PPARG: variants seen among roughly 807,000 people sequenced by gnomAD.
The protein encoded by PPARG is peroxisome proliferator-activated receptor gamma.
A neutral mutation model predicts 39.2 loss-of-function variants in PPARG; 17 were observed. That is an observed-to-expected ratio of 0.43 (90% CI 0.30 to 0.65). PPARG has a LOEUF of 0.65. PPARG is among the 30% of genes least tolerant of loss of function. The pLI, the probability that PPARG is intolerant of heterozygous loss-of-function variation, is 0.13. For missense variants in PPARG, 406 were observed against 585.9 expected, an observed-to-expected ratio of 0.69 and a Z score of 3.17; for synonymous variants, 223 against 215.7, an observed-to-expected ratio of 1.03 and a Z score of -0.30.
At chr3:12,287,874 G>GGGCCCGGCTC (rs1224359301), upstream of PPARG, 4 of 130,614 alleles carry the variant, frequency 3.1e-5, no homozygotes, top group Non-Finnish European at 5.0e-5. Context: ...CCCCCGCGCC[G>GGGCCCGGCTC]GGCCCGGCTC....
At position 12,408,567 on chromosome 3, in the gene PPARG, C is replaced by CTTTTTT. The variant is rs397945616; in HGVS notation, c.729+2500_729+2505dup. Among the ~76,000 whole-genome samples, 169 of 113,196 alleles carry CTTTTTT rather than the reference C, an allele frequency of 1.5e-3. 1 individual carries two copies. Among genetic ancestry groups the CTTTTTT allele is most frequent in the African/African-American group, 4.5e-3 (123 of 27,308 alleles). 74.3% of individuals were successfully genotyped at this position (113,196 alleles called of 152,430 possible). On this transcript the variant is annotated intron_variant, in intron 6 of 7. Coordinates refer to ENST00000651735, the MANE Select transcript of PPARG (RefSeq NM_138711.6). ...GGTTAGTTTTCTTTTCTTTTCTTTT[C>CTTTTTT]TTTTTTTTTTTTTTTTTTTGAGGTG... is the stretch of plus-strand genomic sequence containing the variant.
chr3:12,422,487 T>G (rs1435606449), intron 7 of PPARG, among the ~76,000 whole-genome samples: 2 of 152,250 alleles, frequency 1.3e-5, no homozygotes, highest in African/African-American at 2.4e-5. Context: ...TTTTGCGTAT[T>G]GAGATGTGGA....
intron 5 of PPARG, among the ~76,000 whole-genome samples, chr3:12,395,518 T>C (rs1036844147): frequency 6.6e-6 from 1 of 152,188 alleles, no homozygotes; most frequent in Non-Finnish European, 1.5e-5. Context: ...CAGAAGGAAC[T>C]TTCATTTTCA....
rs1270087406 is a variant in PPARG, at chr3:12,416,874, C to T, written c.900C>T (p.Ser300=). The change falls in exon 7 of 8, where the codon AGC becomes AGT. Residue 300 remains serine, a synonymous_variant. Coordinates refer to ENST00000651735, the MANE Select transcript of PPARG (RefSeq NM_138711.6). ...AVQEITEYAK[S]IPGFVNLDLN... ...AGGAGATCACAGAGTATGCCAAAAG[C>T]ATTCCTGGTTTTGTAAATCTTGACT... The T allele has an allele frequency of 2.5e-6, 4 of 1,614,142 alleles. No homozygotes were observed. Among genetic ancestry groups the T allele is most frequent in the Non-Finnish European group, 3.4e-6 (4 of 1,180,024 alleles).
At chr3:12,324,684 A>G (rs1347293910) in intron 2 of PPARG, among the ~76,000 whole-genome samples, 1 of 152,182 alleles carries the variant, frequency 6.6e-6, no homozygotes, top group East Asian at 1.9e-4. Context: ...TACGTCAACC[A>G]TATAGCTTTA....
At chr3:12,350,398 A>G (rs566850359) in intron 2 of PPARG, among the ~76,000 whole-genome samples, 84 of 152,324 alleles carry the variant, frequency 5.5e-4, no homozygotes, top group Non-Finnish European at 5.9e-4. Flanking sequence ...CCCTTGAAGA[A>G]TGAATAGTTA....
At chr3:12,375,248 G>A (rs972873846) in intron 2 of PPARG, among the ~76,000 whole-genome samples, 1 of 149,778 alleles carries the variant, frequency 6.7e-6, no homozygotes, top group Non-Finnish European at 1.5e-5. Context: ...GGAGGTGGGA[G>A]AGAGAGAGAG....
chr3:12,407,907 C>T (rs1194906119), intron 6 of PPARG, among the ~76,000 whole-genome samples: 1 of 152,120 alleles, frequency 6.6e-6, no homozygotes, highest in African/African-American at 2.4e-5. Context: ...AAACCTTGCA[C>T]ATTTGTTAGG....
chr3:12,391,954 C>T (rs1295054470), intron 4 of PPARG, among the ~76,000 whole-genome samples: 1 of 152,070 alleles, frequency 6.6e-6, no homozygotes, highest in Non-Finnish European at 1.5e-5. Flanking sequence ...TTCAGTTGGC[C>T]TCAAATTGAC....
chr3:12,395,727 TAAC>T (rs765855129), intron 5 of PPARG, among the ~76,000 whole-genome samples: 3 of 152,246 alleles, frequency 2.0e-5, no homozygotes, highest in Non-Finnish European at 2.9e-5. Flanking sequence ...TTTGGTCATT[TAAC>T]AACCCATCAT....
At chr3:12,404,209 A>G (rs762566425) in intron 5 of PPARG, among the ~76,000 whole-genome samples, 15 of 152,214 alleles carry the variant, frequency 9.9e-5, no homozygotes, top group Non-Finnish European at 1.9e-4. Flanking sequence ...CACTAAAAGT[A>G]TCTAAATATA....
chr3:12,414,730 C>T (rs902862900), intron 6 of PPARG, among the ~76,000 whole-genome samples: 3 of 152,002 alleles, frequency 2.0e-5, no homozygotes, highest in Non-Finnish European at 4.4e-5. Flanking sequence ...AGAAACCACC[C>T]AAGCAAAATG....
At chr3:12,361,626 T>C (rs1269537462) in intron 2 of PPARG, among the ~76,000 whole-genome samples, 2 of 152,244 alleles carry the variant, frequency 1.3e-5, no homozygotes, top group East Asian at 3.8e-4. Flanking sequence ...AGCAGTGACA[T>C]TTCTGTCATA....
chr3:12,408,165 A>G (rs2050738496), intron 6 of PPARG, among the ~76,000 whole-genome samples: 1 of 152,208 alleles, frequency 6.6e-6, no homozygotes, highest in African/African-American at 2.4e-5. Context: ...GGGAGACATA[A>G]TACACTAAGA....
intron 1 of PPARG, among the ~76,000 whole-genome samples, chr3:12,300,755 G>A (rs367587640): frequency 7.2e-5 from 11 of 152,232 alleles, no homozygotes; most frequent in African/African-American, 1.9e-4. Flanking sequence ...TGTCATGTCT[G>A]ATAATTTTCA....
At chr3:12,387,070 T>C (rs2049901956) in intron 4 of PPARG, among the ~76,000 whole-genome samples, 1 of 152,212 alleles carries the variant, frequency 6.6e-6, no homozygotes, top group South Asian at 2.1e-4. Context: ...TATGGCTGCA[T>C]AGTATTCTAT....
At chr3:12,415,454 T>C (rs1469031453) in intron 6 of PPARG, among the ~76,000 whole-genome samples, 1 of 152,198 alleles carries the variant, frequency 6.6e-6, no homozygotes, top group African/African-American at 2.4e-5. Context: ...TGTCATTCAG[T>C]GTATCCAGTG....
At chr3:12,421,389 C>T (rs1396415911) in intron 7 of PPARG, among the ~76,000 whole-genome samples, 1 of 152,214 alleles carries the variant, frequency 6.6e-6, no homozygotes, top group Non-Finnish European at 1.5e-5. Flanking sequence ...CCAGCAAAGC[C>T]ATGTTTGCAA....
chr3:12,397,384 A>ATTT (rs1553646245), intron 5 of PPARG, among the ~76,000 whole-genome samples: 1 of 70,132 alleles, frequency 1.4e-5, no homozygotes. Flanking sequence ...CCTTTTTATT[A>ATTT]TTATTATTAT....
Sources: gnomAD v4.1 joint callset for allele counts (sites outside exome capture counted in the v4.1 genomes callset) on GRCh38, gnomAD v4.1.1 for gene constraint, MANE v1.5 for transcripts, NCBI Gene and HGNC (gene_info 2026-07-23, HGNC 2026-07-21) for gene names.